AOAH: variants seen among roughly 807,000 people sequenced by gnomAD.
The protein encoded by AOAH is acyloxyacyl hydrolase (neutrophil).
AOAH carries 64 observed loss-of-function variants against 92.2 expected under a neutral mutation model. That is an observed-to-expected ratio of 0.69 (90% CI 0.57 to 0.86). AOAH has a LOEUF of 0.86. Ranked by LOEUF, AOAH falls within the 40% of genes least tolerant of loss-of-function variation. The pLI is 0.00. For missense variants in AOAH, 656 were observed against 694.6 expected (o/e 0.94, Z 0.62); for synonymous variants, 263 against 254.5 (o/e 1.03, Z -0.32).
intron 5 of AOAH, among the ~76,000 whole-genome samples, chr7:36,637,277 C>T (rs1466965760): frequency 6.6e-6 from 1 of 152,204 alleles, no homozygotes; most frequent in Non-Finnish European, 1.5e-5. Flanking sequence ...GCTCTCTGCA[C>T]TCTCAACTCT....
At chr7:36,656,422 A>C (rs1794896533) in intron 4 of AOAH, among the ~76,000 whole-genome samples, 1 of 152,192 alleles carries the variant, frequency 6.6e-6, no homozygotes, top group Non-Finnish European at 1.5e-5. Context: ...GGAGGGCTGA[A>C]CATTATCTAC....
chr7:36,715,977 G>C (rs1799135470), intron 1 of AOAH, among the ~76,000 whole-genome samples: 1 of 152,036 alleles, frequency 6.6e-6, no homozygotes, highest in Non-Finnish European at 1.5e-5. Context: ...TGACAAATGG[G>C]ATCTAATTAA....
At chr7:36,715,344 A>G (rs1323823333) in intron 1 of AOAH, among the ~76,000 whole-genome samples, 1 of 152,236 alleles carries the variant, frequency 6.6e-6, no homozygotes, top group African/African-American at 2.4e-5. Context: ...CAAATGGAAG[A>G]ACATTCCATG....
At chr7:36,701,597 G>T (rs998633456) in intron 1 of AOAH, among the ~76,000 whole-genome samples, 2 of 151,088 alleles carry the variant, frequency 1.3e-5, no homozygotes, top group African/African-American at 4.9e-5. Context: ...TATTTTTCTG[G>T]TACTAATATA....
At position 36,614,414 on chromosome 7, in the gene AOAH, C is replaced by T. The variant is rs546275537; in HGVS notation, c.846+1966G>A. 6.6e-6 allele frequency among the ~76,000 whole-genome samples: 1 copy of T among 151,850 alleles called. No homozygotes were observed. The highest frequency in any genetic ancestry group is 2.4e-5 in the African/African-American group (1 of 41,396). On this transcript the variant is annotated intron_variant, in intron 11 of 20. Coordinates refer to ENST00000617537, the MANE Select transcript of AOAH (RefSeq NM_001637.4). The surrounding 1 kb of genome is among the most constrained non-coding windows in gnomAD (Gnocchi z 4.2). ...CTGGGTTTAATGCTCTGCTGCCCCA[C>T]CTTGAACTTCTTAACAATCTTATTT... is the stretch of plus-strand genomic sequence containing the variant.
At chr7:36,610,159 C>CAA (rs71553082) in intron 11 of AOAH, among the ~76,000 whole-genome samples, 3,810 of 49,258 alleles carry the variant, frequency 0.077, 295 homozygotes, top group Admixed American at 0.11. Flanking sequence ...TCCATAATAG[C>CAA]AAAAAAAAAA....
At chr7:36,549,954 T>TG (rs1786085307) in intron 13 of AOAH, 1 of 157,390 alleles carries the variant, frequency 6.4e-6, no homozygotes, top group South Asian at 1.9e-4. Flanking sequence ...GCAGGCTGTC[T>TG]GGTCAACACA....
intron 4 of AOAH, among the ~76,000 whole-genome samples, chr7:36,643,174 G>C (rs1794014451): frequency 6.6e-6 from 1 of 152,120 alleles, no homozygotes. Flanking sequence ...TGAGAAGAAA[G>C]TATTACTGTT....
chr7:36,709,792 T>C (rs1024513093), intron 1 of AOAH, among the ~76,000 whole-genome samples: 5 of 152,210 alleles, frequency 3.3e-5, no homozygotes, highest in Non-Finnish European at 7.3e-5. Context: ...TTATGTTTTC[T>C]TTCCAAATTT....
intron 1 of AOAH, among the ~76,000 whole-genome samples, chr7:36,708,781 T>G (rs2042701327): frequency 1.3e-5 from 2 of 152,188 alleles, no homozygotes; most frequent in South Asian, 4.1e-4. Context: ...CTCTGCTCAT[T>G]TATTAGCCTG....
chr7:36,543,949 T>TG (rs1785601118), intron 15 of AOAH, among the ~76,000 whole-genome samples: 1 of 129,014 alleles, frequency 7.8e-6, no homozygotes. Flanking sequence ...CTTTCTTTCT[T>TG]TTTTTTTTTT....
In AOAH at chr7:36,673,855, C is replaced by T. The variant is rs919535934; in HGVS notation, c.290+88G>A. The T allele has an allele frequency of 2.0e-5, 18 of 896,962 alleles. No individual in the cohort carries two copies. The Admixed American group carries it at 4.0e-4, about 20-fold the overall frequency. The allele number at this position is 896,962 out of a possible 1,614,324, so 55.6% of individuals were successfully genotyped here. ...AGCCCTGTCCAGAAAGCGCATCATG[C>T]TGAACACAGAGCCTCCCACCTCCCA... On this transcript the variant is annotated intron_variant, in intron 3 of 20. Coordinates refer to ENST00000617537, the MANE Select transcript of AOAH (RefSeq NM_001637.4).
chr7:36,541,368 G>A (rs1441972341), intron 15 of AOAH, among the ~76,000 whole-genome samples: 2 of 152,228 alleles, frequency 1.3e-5, no homozygotes, highest in African/African-American at 4.8e-5. Context: ...GTAGTTATGA[G>A]AGACACAGGC....
intron 11 of AOAH, among the ~76,000 whole-genome samples, chr7:36,599,250 C>T (rs138006434): frequency 2.0e-5 from 3 of 152,066 alleles, no homozygotes; most frequent in Admixed American, 6.6e-5. Flanking sequence ...TACAATAATT[C>T]GAATTTGGTA....
chr7:36,677,212 T>TA (rs1796305985), intron 2 of AOAH, among the ~76,000 whole-genome samples: 1 of 152,172 alleles, frequency 6.6e-6, no homozygotes, highest in Non-Finnish European at 1.5e-5. Flanking sequence ...AGTGCTAGAA[T>TA]ATATAAAGGA....
At chr7:36,706,741 A>C (rs916747479) in intron 1 of AOAH, among the ~76,000 whole-genome samples, 1 of 152,196 alleles carries the variant, frequency 6.6e-6, no homozygotes, top group African/African-American at 2.4e-5. Context: ...CTTCTACATC[A>C]GCATGTGTTC....
At chr7:36,591,899 T>C (rs1789772082) in intron 12 of AOAH, among the ~76,000 whole-genome samples, 1 of 152,226 alleles carries the variant, frequency 6.6e-6, no homozygotes, top group Non-Finnish European at 1.5e-5. Context: ...TGTTTTTATC[T>C]GTTTGCTGGG....
At chr7:36,585,695 G>T (rs2392452) in intron 12 of AOAH, among the ~76,000 whole-genome samples, 36,039 of 152,074 alleles carry the variant, frequency 0.24, 5,361 homozygotes, top group African/African-American at 0.41. Context: ...ATTTACAGTA[G>T]GTTAAACACA....
chr7:36,523,931 C>A (rs1428050523), intron 19 of AOAH, among the ~76,000 whole-genome samples: 2 of 152,062 alleles, frequency 1.3e-5, no homozygotes, highest in Non-Finnish European at 2.9e-5. Flanking sequence ...TCTCTTTGTC[C>A]TTTTATGGTC....
Sources: allele counts gnomAD v4.1 joint callset (sites outside exome capture counted in the v4.1 genomes callset), GRCh38; gene constraint gnomAD v4.1.1; non-coding constraint Gnocchi (gnomAD v3.1); transcripts MANE v1.5; gene names NCBI Gene and HGNC (gene_info 2026-07-23, HGNC 2026-07-21).